Variants in SEZ6 observed in about 807,000 individuals in gnomAD.
SEZ6 encodes the protein seizure related 6 homolog, also known as seizure protein 6 homolog.
In SEZ6, 53 loss-of-function variants were observed where a neutral mutation model predicts 101.0. The observed-to-expected ratio is 0.52, with a 90% confidence interval of 0.42 to 0.66. SEZ6 has a LOEUF of 0.66. Among genes scored for constraint, SEZ6 ranks in the 30% least tolerant of loss-of-function variants. SEZ6 has a pLI of 0.00. For synonymous variants in SEZ6, 488 were observed against 512.2 expected (o/e 0.95, Z 0.64); for missense variants, 1,102 against 1,289.4 (o/e 0.85, Z 2.23).
chr17:28,957,675 A>T, intron 11 of SEZ6, 136 bp from the exon 12 acceptor site: 2 of 1,008,372 alleles, frequency 2.0e-6, no homozygotes, highest in South Asian at 1.7e-5. Flanking sequence ...CCCTACCATT[A>T]TGCTAGTGTG....
chr17:28,957,905 G>A lies in SEZ6; in HGVS notation c.2302+42C>T, dbSNP rs774065525. 10 of 1,587,772 alleles carry A rather than the reference G, an allele frequency of 6.3e-6. No homozygotes were observed. In the African/African-American group the frequency reaches 1.2e-4, roughly 19 times the overall value. On this transcript the variant is annotated intron_variant, in intron 11 of 16. Coordinates refer to ENST00000317338, the MANE Select transcript of SEZ6 (RefSeq NM_178860.5). Reference sequence around the variant, plus strand: ...TCAGAATCCAGGAGAGAGGTTTGGAGTTTGTGTTGGGAAGGGGAGCGTGGG... The same window carrying A: ...TCAGAATCCAGGAGAGAGGTTTGGAATTTGTGTTGGGAAGGGGAGCGTGGG...
chr17:28,990,730 G>A (rs951917019), intron 1 of SEZ6, among the ~76,000 whole-genome samples: 13 of 151,264 alleles, frequency 8.6e-5, no homozygotes, highest in African/African-American at 1.2e-4. Flanking sequence ...CCCATCTCCC[G>A]GCTATAAAAA....
At position 28,991,240 on chromosome 17, in the gene SEZ6, T is replaced by G. The variant is rs571834358; in HGVS notation, c.56-9201A>C. Among the ~76,000 whole-genome samples, 157 of 151,998 alleles carry G rather than the reference T, an allele frequency of 1.0e-3. 1 individual carries two copies. The highest frequency in any genetic ancestry group is 2.2e-3 in the Admixed American group (34 of 15,276). On this transcript the variant is annotated intron_variant, in intron 1 of 16. Coordinates refer to ENST00000317338, the MANE Select transcript of SEZ6 (RefSeq NM_178860.5). ...TATTTATTGAGACGGAATCTCGCTCTGTCACCGAGGCTGGAGTGCAGTGGC... is the reference window on the plus strand; with the variant it reads ...TATTTATTGAGACGGAATCTCGCTCGGTCACCGAGGCTGGAGTGCAGTGGC...
chr17:29,004,737 G>A (rs964022705), intron 1 of SEZ6, among the ~76,000 whole-genome samples: 4 of 152,154 alleles, frequency 2.6e-5, no homozygotes, highest in Admixed American at 1.3e-4. Flanking sequence ...CTCCAAGTGC[G>A]GTTCTGCCGA....
chr17:28,992,355 T>C (rs915381659), intron 1 of SEZ6, among the ~76,000 whole-genome samples: 13 of 152,144 alleles, frequency 8.5e-5, no homozygotes. Flanking sequence ...TGAGCATGTG[T>C]GCACGTGCGT....
At chr17:28,956,046 C>T (rs1481851497) in intron 16 of SEZ6, 52 bp from the exon 17 acceptor site, 1 of 1,607,652 alleles carries the variant, frequency 6.2e-7, no homozygotes, top group Non-Finnish European at 8.5e-7. Context: ...AATTCACCTT[C>T]CCTAGGAAAA....
chr17:28,984,640 T>C (rs1187791892), intron 1 of SEZ6, among the ~76,000 whole-genome samples: 1 of 152,218 alleles, frequency 6.6e-6, no homozygotes, highest in African/African-American at 2.4e-5. Flanking sequence ...AACGAGCAAG[T>C]TGATTCCAAA....
intron 4 of SEZ6, among the ~76,000 whole-genome samples, chr17:28,965,816 C>T (rs1337469399): frequency 2.6e-5 from 4 of 152,102 alleles, no homozygotes; most frequent in Non-Finnish European, 5.9e-5. Context: ...TCTGGCATAT[C>T]CCGATCCTGG....
At position 28,957,572 on chromosome 17, in the gene SEZ6, C is replaced by G. The variant is rs1469004673; in HGVS notation, c.2303-33G>C. 13 of 1,591,008 alleles carry G rather than the reference C, an allele frequency of 8.2e-6. No homozygotes were observed. In the South Asian group the frequency reaches 9.0e-5, roughly 11 times the overall value. On this transcript the variant is annotated intron_variant, in intron 11 of 16. Coordinates refer to ENST00000317338, the MANE Select transcript of SEZ6 (RefSeq NM_178860.5). ...TAGGGGGTGATGGGGAGAAGTAGCC[C>G]AAGGAGAACTAAGCAGAGGCCAATC... is the stretch of plus-strand genomic sequence containing the variant.
intron 3 of SEZ6, among the ~76,000 whole-genome samples, chr17:28,975,743 C>T (rs1598194593): frequency 6.6e-6 from 1 of 152,224 alleles, no homozygotes; most frequent in Non-Finnish European, 1.5e-5. Context: ...GCAGGGTATT[C>T]TGGCTATCAA....
chr17:29,005,106 TG>T lies in SEZ6; in HGVS notation c.55+708del, dbSNP rs1400160087. Among the ~76,000 whole-genome samples the T allele has an allele frequency of 0.021, 3,197 of 150,960 alleles. 114 individuals are homozygous for T. Among genetic ancestry groups the T allele is most frequent in the African/African-American group, 0.071 (2,897 of 40,590 alleles). ...GTGTGTGTGTGTGTGTGTGTGTGTG[TG>T]TGTGTGTGTGTACAAGGAAAGGACT... is the stretch of plus-strand genomic sequence containing the variant. On this transcript the variant is annotated intron_variant, in intron 1 of 16. Coordinates refer to ENST00000317338, the MANE Select transcript of SEZ6 (RefSeq NM_178860.5). This position sits in a 1 kb window ranked among gnomAD's most constrained non-coding sequence, Gnocchi z 4.8.
Position 28,959,283 on chromosome 17 carries a change from G to A in SEZ6, c.1910+51C>T, listed in dbSNP as rs1487133267. ...GGGCCCGAGGATGGGCTGGACAAGG[G>A]ATATCCCCAGACCTCAGGAGTTGGC... On this transcript the variant is annotated intron_variant, in intron 9 of 16. Coordinates refer to ENST00000317338, the MANE Select transcript of SEZ6 (RefSeq NM_178860.5). The surrounding 1 kb of genome is among the most constrained non-coding windows in gnomAD (Gnocchi z 4.4). 1.3e-5 allele frequency: 21 copies of A among 1,613,596 alleles called. No individual in the cohort carries two copies. The highest frequency in any genetic ancestry group is 1.7e-5 in the Non-Finnish European group (20 of 1,179,816).
intron 2 of SEZ6, 66 bp from the exon 3 acceptor site, chr17:28,979,879 C>CTG: frequency 8.2e-7 from 1 of 1,216,748 alleles, no homozygotes; most frequent in Non-Finnish European, 1.1e-6. Flanking sequence ...TAAGGCTGAA[C>CTG]CGTGTGTGTG....
At chr17:28,993,976 G>T (rs947803005) in intron 1 of SEZ6, among the ~76,000 whole-genome samples, 1 of 152,252 alleles carries the variant, frequency 6.6e-6, no homozygotes, top group Non-Finnish European at 1.5e-5. Flanking sequence ...TTGCCCTGTG[G>T]TTACTTTTGT....
intron 1 of SEZ6, among the ~76,000 whole-genome samples, chr17:28,999,342 C>T (rs1057472888): frequency 1.3e-5 from 2 of 152,104 alleles, no homozygotes; most frequent in African/African-American, 2.4e-5. Context: ...CTTTCCACTG[C>T]CCCCCTTCAT....
At chr17:28,962,818 C>T (rs1172325176) in intron 5 of SEZ6, among the ~76,000 whole-genome samples, 8 of 150,292 alleles carry the variant, frequency 5.3e-5, no homozygotes, top group African/African-American at 1.7e-4. Context: ...AGCCTAAGCC[C>T]ATACCCACTA....
At position 28,959,996 on chromosome 17, in the gene SEZ6, C is replaced by G; in HGVS notation, c.1577-104G>C. Reference sequence around the variant, plus strand: ...CCCAGAGCCTTTCTTTTCCTGGGTACGAATGACAAATATATGTCCTGGGGT... The same window carrying G: ...CCCAGAGCCTTTCTTTTCCTGGGTAGGAATGACAAATATATGTCCTGGGGT... On this transcript the variant is annotated intron_variant, in intron 7 of 16. Transcript: ENST00000317338. This position sits in a 1 kb window ranked among gnomAD's most constrained non-coding sequence, Gnocchi z 4.4. 1 of 1,247,464 alleles carries G rather than the reference C, an allele frequency of 8.0e-7. No homozygotes were observed. Among genetic ancestry groups the G allele is most frequent in the Non-Finnish European group, 1.1e-6 (1 of 902,184 alleles). The allele number at this position is 1,247,464 out of a possible 1,614,324, so 77.3% of individuals were successfully genotyped here. A position where few individuals can be genotyped will look rare whatever the true frequency, so the allele number is the denominator to read the frequency against.
chr17:28,959,988 C>T lies in SEZ6; in HGVS notation c.1577-96G>A, dbSNP rs2040950268. The stretch of plus-strand genomic sequence containing the variant: ...CTTCCCTCCCCAGAGCCTTTCTTTT[C>T]CTGGGTACGAATGACAAATATATGT... On this transcript the variant is annotated intron_variant, in intron 7 of 16. Coordinates refer to ENST00000317338, the MANE Select transcript of SEZ6 (RefSeq NM_178860.5). The surrounding 1 kb of genome is among the most constrained non-coding windows in gnomAD (Gnocchi z 4.4). 1 of 1,336,584 alleles carries T rather than the reference C, an allele frequency of 7.5e-7. No homozygotes were observed. The highest frequency in any genetic ancestry group is 2.5e-5 in the East Asian group (1 of 39,560). The allele number at this position is 1,336,584 out of a possible 1,614,324, so 82.8% of individuals were successfully genotyped here. A position where few individuals can be genotyped will look rare whatever the true frequency, so the allele number is the denominator to read the frequency against.
At chr17:28,961,115 C>T (rs1358496618) in intron 5 of SEZ6, 142 bp from the exon 6 acceptor site, 1 of 1,070,634 alleles carries the variant, frequency 9.3e-7, no homozygotes, top group African/African-American at 1.6e-5. Context: ...CCCTCATCGT[C>T]CTGAAGGTCA....
Sources: allele counts gnomAD v4.1 joint callset (sites outside exome capture counted in the v4.1 genomes callset), GRCh38; gene constraint gnomAD v4.1.1; non-coding constraint Gnocchi (gnomAD v3.1); transcripts MANE v1.5; gene names NCBI Gene and HGNC (gene_info 2026-07-23, HGNC 2026-07-21).